CTNNA2: variants seen among roughly 807,000 people sequenced by gnomAD.
CTNNA2 encodes catenin alpha-2.
In CTNNA2, 42 loss-of-function variants were observed where a neutral mutation model predicts 101.0. That is an observed-to-expected ratio of 0.42 (90% CI 0.32 to 0.54). The LOEUF is 0.54. Ranked by LOEUF, CTNNA2 falls within the 20% of genes least tolerant of loss-of-function variation. The pLI is 0.14. For synonymous variants in CTNNA2, 450 were observed against 456.4 expected (o/e 0.99, Z 0.18); for missense variants, 871 against 1,223.1 (o/e 0.71, Z 4.29).
chr2:79,335,937 A>AAAAGCAC (rs1233158343), intron 3 of CTNNA2, among the ~76,000 whole-genome samples: 1 of 152,240 alleles, frequency 6.6e-6, no homozygotes, highest in Non-Finnish European at 1.5e-5. Flanking sequence ...ACAGGAAGTC[A>AAAAGCAC]AAAGCACAGA....
At chr2:79,472,385 T>A (rs1357486954) in intron 4 of CTNNA2, among the ~76,000 whole-genome samples, 1 of 152,162 alleles carries the variant, frequency 6.6e-6, no homozygotes, top group East Asian at 1.9e-4. Flanking sequence ...TTGGAGAGCA[T>A]CCACCTGGCC....
intron 6 of CTNNA2, among the ~76,000 whole-genome samples, chr2:79,901,024 A>G (rs1330322317): frequency 6.6e-6 from 1 of 152,234 alleles, no homozygotes; most frequent in Non-Finnish European, 1.5e-5. Context: ...AAAGACAGAA[A>G]GTGAAGACAT....
At chr2:80,043,219 T>C (rs77760477) in intron 7 of CTNNA2, among the ~76,000 whole-genome samples, 1 of 146,384 alleles carries the variant, frequency 6.8e-6, no homozygotes, top group African/African-American at 2.5e-5. Context: ...TTTTTTTTTT[T>C]CAGAGTCTTG....
intron 7 of CTNNA2, among the ~76,000 whole-genome samples, chr2:80,294,035 G>A (rs922508982): frequency 6.6e-6 from 1 of 152,094 alleles, no homozygotes; most frequent in Non-Finnish European, 1.5e-5. Flanking sequence ...AGAAGTTATT[G>A]ATTTGTATAT....
intron 4 of CTNNA2, among the ~76,000 whole-genome samples, chr2:79,459,500 T>C (rs62157003): frequency 0.047 from 7,114 of 152,164 alleles, 273 homozygotes; most frequent in East Asian, 0.12. Flanking sequence ...TACAATCAAC[T>C]TGGATAAAGA....
chr2:79,931,811 T>C (rs918733277), intron 7 of CTNNA2, among the ~76,000 whole-genome samples: 70 of 151,932 alleles, frequency 4.6e-4, no homozygotes, highest in African/African-American at 1.7e-3. Context: ...GGCAAGCAAG[T>C]TCAGCTTAAT....
intron 8 of CTNNA2, among the ~76,000 whole-genome samples, chr2:80,410,529 C>T (rs549113476): frequency 1.7e-4 from 26 of 152,294 alleles, no homozygotes; most frequent in Non-Finnish European, 2.6e-4. Flanking sequence ...TCAGACTTAA[C>T]GAATGATTTT....
chr2:80,063,194 T>C (rs1009767558), intron 7 of CTNNA2, among the ~76,000 whole-genome samples: 1 of 152,174 alleles, frequency 6.6e-6, no homozygotes, highest in African/African-American at 2.4e-5. Flanking sequence ...TTCTCCCTTT[T>C]GCTCCCCTCC....
At chr2:80,011,332 G>A (rs72813771) in intron 7 of CTNNA2, among the ~76,000 whole-genome samples, 2,783 of 152,226 alleles carry the variant, frequency 0.018, 37 homozygotes, top group Non-Finnish European at 0.029. Context: ...CAGAATCTAC[G>A]TATATAGAAA....
At chr2:79,509,014 A>C (rs62141441), upstream of CTNNA2, among the ~76,000 whole-genome samples, 14 of 85,410 alleles carry the variant, frequency 1.6e-4, no homozygotes, top group East Asian at 1.7e-3. Context: ...TATATATATA[A>C]ACAATTACCT....
chr2:79,500,450 C>T (rs1319587897), intron 4 of CTNNA2, among the ~76,000 whole-genome samples: 1 of 152,132 alleles, frequency 6.6e-6, no homozygotes, highest in African/African-American at 2.4e-5. Context: ...CAAATGCAGT[C>T]CTTCTTATCC....
intron 4 of CTNNA2, among the ~76,000 whole-genome samples, chr2:79,459,801 C>T (rs1186191975): frequency 2.6e-5 from 4 of 152,050 alleles, no homozygotes; most frequent in Non-Finnish European, 5.9e-5. Context: ...TTCACCTACT[C>T]AGTTCAACTT....
chr2:80,333,138 A>G (rs944969479), intron 7 of CTNNA2, among the ~76,000 whole-genome samples: 4 of 152,180 alleles, frequency 2.6e-5, no homozygotes, highest in African/African-American at 9.7e-5. Flanking sequence ...TCAGCCCTTT[A>G]CAGGAAAAGT....
intron 4 of CTNNA2, among the ~76,000 whole-genome samples, chr2:79,477,168 CTTTTTTT>C (rs5832392): frequency 6.5e-5 from 8 of 123,148 alleles, no homozygotes; most frequent in African/African-American, 2.6e-4. Flanking sequence ...TCTTTTTTTT[CTTTTTTT>C]TTTTTTTGTT....
At chr2:80,068,178 C>T (rs1698103654) in intron 7 of CTNNA2, among the ~76,000 whole-genome samples, 1 of 152,190 alleles carries the variant, frequency 6.6e-6, no homozygotes, top group Admixed American at 6.5e-5. Flanking sequence ...AAGGACCCAG[C>T]AGGCAGAGGC....
At chr2:79,999,806 G>A (rs780642450) in intron 7 of CTNNA2, among the ~76,000 whole-genome samples, 1 of 152,190 alleles carries the variant, frequency 6.6e-6, no homozygotes, top group Non-Finnish European at 1.5e-5. Context: ...TGGGCATTAA[G>A]CAGTATTAGC....
chr2:79,237,397 A>T (rs760938820), intron 2 of CTNNA2, among the ~76,000 whole-genome samples: 38 of 152,224 alleles, frequency 2.5e-4, no homozygotes, highest in Non-Finnish European at 4.4e-4. Context: ...AAGCACAGGC[A>T]GAATAGATTG....
chr2:79,698,392 C>T (rs151052381), intron 2 of CTNNA2, among the ~76,000 whole-genome samples: 6 of 152,084 alleles, frequency 3.9e-5, no homozygotes, highest in East Asian at 3.9e-4. Flanking sequence ...GAACTTGAAT[C>T]GTTTCAATAC....
intron 3 of CTNNA2, among the ~76,000 whole-genome samples, chr2:79,834,808 T>G (rs1679193010): frequency 1.3e-5 from 2 of 152,086 alleles, no homozygotes; most frequent in African/African-American, 2.4e-5. Context: ...TCTCTAAATA[T>G]TTTGCTAAAT....
Sources: allele counts gnomAD v4.1 joint callset (sites outside exome capture counted in the v4.1 genomes callset), GRCh38; gene constraint gnomAD v4.1.1; transcripts MANE v1.5; gene names NCBI Gene and HGNC (gene_info 2026-07-23, HGNC 2026-07-21).